Variants in MPPED2 observed in about 807,000 individuals in gnomAD.
MPPED2 encodes metallophosphoesterase domain containing 2.
A neutral mutation model predicts 33.0 loss-of-function variants in MPPED2; 5 were observed. The observed-to-expected ratio is 0.15, with a 90% CI of 0.08 to 0.32. The LOEUF is 0.32. Among genes scored for constraint, MPPED2 ranks in the 10% least tolerant of loss-of-function variants. The pLI, the probability that MPPED2 is intolerant of heterozygous loss-of-function variation, is 1.00. For missense variants in MPPED2, 275 were observed against 372.1 expected (o/e 0.74, Z 2.15); for synonymous variants, 136 against 141.9 (o/e 0.96, Z 0.29).
At chr11:30,545,550 T>C (rs1955370925) in intron 2 of MPPED2, among the ~76,000 whole-genome samples, 1 of 152,142 alleles carries the variant, frequency 6.6e-6, no homozygotes, top group Admixed American at 6.5e-5. Context: ...ATAGTGATGA[T>C]GATGATGATG....
At chr11:30,525,917 T>G (rs1287276925) in intron 3 of MPPED2, among the ~76,000 whole-genome samples, 1 of 152,212 alleles carries the variant, frequency 6.6e-6, no homozygotes, top group Non-Finnish European at 1.5e-5. Context: ...CATCTTGTCC[T>G]CAGGTCACTA....
intron 3 of MPPED2, among the ~76,000 whole-genome samples, chr11:30,527,620 G>A (rs1316013139): frequency 6.6e-6 from 1 of 152,136 alleles, no homozygotes; most frequent in East Asian, 1.9e-4. Context: ...CAGAGTCTAA[G>A]GAGAGGTCTA....
chr11:30,569,281 T>C (rs1378611191), intron 2 of MPPED2, among the ~76,000 whole-genome samples: 2 of 152,066 alleles, frequency 1.3e-5, no homozygotes, highest in Non-Finnish European at 2.9e-5. Flanking sequence ...GCAAGAGGGG[T>C]TAGAACAGGA....
At chr11:30,397,631 T>A (rs952343872) in intron 6 of MPPED2, among the ~76,000 whole-genome samples, 1 of 152,174 alleles carries the variant, frequency 6.6e-6, no homozygotes, top group African/African-American at 2.4e-5. Context: ...TCAGGTACCA[T>A]GCTAGGCAAT....
At chr11:30,400,766 T>C (rs1434761113) in intron 6 of MPPED2, among the ~76,000 whole-genome samples, 1 of 143,538 alleles carries the variant, frequency 7.0e-6, no homozygotes, top group African/African-American at 2.8e-5. Flanking sequence ...TCAAACATTT[T>C]TTTTTTTTTT....
Position 30,511,707 on chromosome 11 carries a change from G to A in MPPED2, c.311-16186C>T, listed in dbSNP as rs74885940. Among the ~76,000 whole-genome samples, 113 of 152,234 alleles carry A rather than the reference G, an allele frequency of 7.4e-4. 1 individual carries two copies. In the East Asian group the frequency reaches 0.021, roughly 28 times the overall value. On this transcript the variant is annotated intron_variant, in intron 3 of 6. Transcript: ENST00000358117. ...TCCTTGTAAATCTCAATTTTCATTAGAACGCTCAGTGCAATCATCTATAGT... is the reference window on the plus strand; with the variant it reads ...TCCTTGTAAATCTCAATTTTCATTAAAACGCTCAGTGCAATCATCTATAGT...
chr11:30,557,611 AT>A (rs1390489188), intron 2 of MPPED2, among the ~76,000 whole-genome samples: 1 of 152,230 alleles, frequency 6.6e-6, no homozygotes, highest in Admixed American at 6.5e-5. Flanking sequence ...TACTGGCTAA[AT>A]AACCAATCAA....
At chr11:30,514,468 G>T (rs1018218640) in intron 3 of MPPED2, among the ~76,000 whole-genome samples, 1 of 152,076 alleles carries the variant, frequency 6.6e-6, no homozygotes, top group Non-Finnish European at 1.5e-5. Flanking sequence ...TCATCACTGA[G>T]CCCCTGAATT....
At chr11:30,560,160 AT>A (rs1956172965) in intron 2 of MPPED2, among the ~76,000 whole-genome samples, 1 of 152,160 alleles carries the variant, frequency 6.6e-6, no homozygotes, top group Non-Finnish European at 1.5e-5. Context: ...GTCAGTAATT[AT>A]TTTTATTGTG....
At chr11:30,453,214 G>A (rs1474048268) in intron 4 of MPPED2, among the ~76,000 whole-genome samples, 1 of 152,110 alleles carries the variant, frequency 6.6e-6, no homozygotes, top group African/African-American at 2.4e-5. Flanking sequence ...CAAGCCTAAA[G>A]GGATACACTG....
intron 2 of MPPED2, among the ~76,000 whole-genome samples, chr11:30,568,586 C>A (rs529689938): frequency 6.6e-6 from 1 of 152,132 alleles, no homozygotes; most frequent in African/African-American, 2.4e-5. Flanking sequence ...AAATAAACCC[C>A]TCATAAAGAC....
intron 4 of MPPED2, among the ~76,000 whole-genome samples, chr11:30,486,244 A>G (rs2134154606): frequency 6.6e-6 from 1 of 152,300 alleles, no homozygotes; most frequent in Middle Eastern, 3.4e-3. Context: ...AAGACTGTCA[A>G]TGGGACTCTA....
downstream of MPPED2, among the ~76,000 whole-genome samples, chr11:30,406,562 G>A (rs1306761912): frequency 2.0e-5 from 3 of 152,120 alleles, no homozygotes; most frequent in Non-Finnish European, 4.4e-5. Flanking sequence ...GAAAAGGGAG[G>A]GAAAAGTAGC....
chr11:30,412,564 G>A (rs1232267758), intron 6 of MPPED2, among the ~76,000 whole-genome samples: 1 of 152,102 alleles, frequency 6.6e-6, no homozygotes, highest in African/African-American at 2.4e-5. Flanking sequence ...TCCAAGTAAA[G>A]CCTGTGGAGA....
At chr11:30,570,941 G>A (rs1161457833) in intron 2 of MPPED2, among the ~76,000 whole-genome samples, 1 of 152,140 alleles carries the variant, frequency 6.6e-6, no homozygotes, top group African/African-American at 2.4e-5. Flanking sequence ...CTTTGAGCTG[G>A]AAGGTTTCAG....
intron 3 of MPPED2, among the ~76,000 whole-genome samples, chr11:30,500,864 CTTCCTGGTAACTTCCATAGAATTCCAGG>C (rs2134241458): frequency 6.6e-6 from 1 of 152,274 alleles, no homozygotes; most frequent in East Asian, 1.9e-4. Flanking sequence ...CTCCACAAGA[CTTCCTGGTAACTTCCATAGAATTCCAGG>C]AACTCGGGTT....
chr11:30,394,581 G>A (rs751300481), intron 6 of MPPED2, among the ~76,000 whole-genome samples: 3 of 152,060 alleles, frequency 2.0e-5, no homozygotes, highest in Non-Finnish European at 4.4e-5. Flanking sequence ...CTTTGGTTAT[G>A]TGTTTATTCA....
intron 3 of MPPED2, among the ~76,000 whole-genome samples, chr11:30,519,328 GTGTGTATACATGAATATGTA>G (rs778626148): frequency 1.9e-4 from 29 of 151,794 alleles, no homozygotes; most frequent in Non-Finnish European, 3.5e-4. Flanking sequence ...GTGTGTGTGG[GTGTGTATACATGAATATGTA>G]TGTGCATATA....
intron 3 of MPPED2, among the ~76,000 whole-genome samples, chr11:30,513,138 A>G (rs985906793): frequency 6.6e-6 from 1 of 152,116 alleles, no homozygotes; most frequent in African/African-American, 2.4e-5. Context: ...CTCTAATGAG[A>G]GACAAGATCT....
Sources: allele counts gnomAD v4.1 joint callset (sites outside exome capture counted in the v4.1 genomes callset), GRCh38; gene constraint gnomAD v4.1.1; transcripts MANE v1.5; gene names NCBI Gene and HGNC (gene_info 2026-07-23, HGNC 2026-07-21).